The following ROBO1 variants were observed in gnomAD, a reference collection of about 807,000 sequenced individuals.
ROBO1 encodes the protein roundabout guidance receptor 1.
ROBO1 carries 149 observed loss-of-function variants against 195.9 expected under a neutral mutation model. The observed-to-expected ratio is 0.76, with a 90% confidence interval of 0.67 to 0.87. The LOEUF is 0.87. Among genes scored for constraint, ROBO1 ranks in the 40% least tolerant of loss-of-function variants. ROBO1 has a pLI of 0.00. For synonymous variants in ROBO1, 816 were observed against 733.2 expected, an observed-to-expected ratio of 1.11 and a Z score of -1.82; for missense variants, 1,933 against 2,068.3, an observed-to-expected ratio of 0.93 and a Z score of 1.27.
intron 1 of ROBO1, among the ~76,000 whole-genome samples, chr3:79,623,669 C>A (rs1945080431): frequency 6.6e-6 from 1 of 151,870 alleles, no homozygotes; most frequent in Non-Finnish European, 1.5e-5. Context: ...AAGAAATGAA[C>A]AAAGACTACA....
In ROBO1 at chr3:78,659,637, TG is replaced by T. The variant is rs368223718; in HGVS notation, c.2442+48del. 85 of 1,292,092 alleles carry T rather than the reference TG, an allele frequency of 6.6e-5. 1 individual carries two copies. In the African/African-American group the frequency reaches 1.2e-3, roughly 18 times the overall value. 80.0% of individuals were successfully genotyped at this position (1,292,092 alleles called of 1,614,324 possible). The stretch of plus-strand genomic sequence containing the variant: ...CAGCCTGCTTTTTCTTTATGAATGG[TG>T]GGGGCTGCCCATCAGGACATTAATA... On this transcript the variant is annotated intron_variant, in intron 17 of 30. Transcript: ENST00000464233.
At chr3:79,203,872 T>C (rs569329151) in intron 2 of ROBO1, among the ~76,000 whole-genome samples, 2 of 152,176 alleles carry the variant, frequency 1.3e-5, no homozygotes, top group Non-Finnish European at 2.9e-5. Flanking sequence ...TTTATTTTTT[T>C]CTTTCTATTC....
At chr3:79,584,674 CAT>C (rs1387719209) in intron 2 of ROBO1, among the ~76,000 whole-genome samples, 57 of 143,894 alleles carry the variant, frequency 4.0e-4, no homozygotes, top group African/African-American at 1.4e-3. Flanking sequence ...CACGTACACA[CAT>C]ACACACACTC....
chr3:79,655,123 A>G (rs557150799), intron 1 of ROBO1, among the ~76,000 whole-genome samples: 2 of 152,206 alleles, frequency 1.3e-5, no homozygotes, highest in South Asian at 4.1e-4. Flanking sequence ...TAGTAACAAA[A>G]TAATTACTTT....
chr3:79,483,822 G>A (rs77649865), intron 2 of ROBO1, among the ~76,000 whole-genome samples: 1 of 152,016 alleles, frequency 6.6e-6, no homozygotes, highest in South Asian at 2.1e-4. Flanking sequence ...GACGGGGTTG[G>A]GGGTGGGGGA....
At chr3:79,643,731 T>C (rs1249214767) in intron 1 of ROBO1, among the ~76,000 whole-genome samples, 1 of 152,056 alleles carries the variant, frequency 6.6e-6, no homozygotes, top group Non-Finnish European at 1.5e-5. Context: ...TATAATAGAT[T>C]GACTAAACAT....
chr3:79,267,561 G>A (rs1386048733), intron 2 of ROBO1, among the ~76,000 whole-genome samples: 1 of 135,554 alleles, frequency 7.4e-6, no homozygotes, highest in Non-Finnish European at 1.6e-5. Context: ...TTTTTTTTTT[G>A]TCACTTCACT....
chr3:79,068,014 A>T (rs974780999), intron 3 of ROBO1, among the ~76,000 whole-genome samples: 1 of 151,902 alleles, frequency 6.6e-6, no homozygotes, highest in African/African-American at 2.4e-5. Flanking sequence ...TGAGTGATCC[A>T]AGAGGAAAAG....
chr3:78,890,956 T>C (rs1302038221), intron 4 of ROBO1, among the ~76,000 whole-genome samples: 2 of 152,146 alleles, frequency 1.3e-5, no homozygotes, highest in African/African-American at 4.8e-5. Flanking sequence ...AGTCTTGTTA[T>C]GTTGCTCAGG....
chr3:79,308,767 C>A (rs2033342632), intron 2 of ROBO1, among the ~76,000 whole-genome samples: 1 of 152,052 alleles, frequency 6.6e-6, no homozygotes, highest in South Asian at 2.1e-4. Flanking sequence ...ATCTTCTCTG[C>A]AATATTAAAC....
intron 1 of ROBO1, among the ~76,000 whole-genome samples, chr3:79,689,760 T>C (rs920988327): frequency 6.6e-6 from 1 of 152,050 alleles, no homozygotes; most frequent in Non-Finnish European, 1.5e-5. Context: ...TATCCTTACT[T>C]TTATGGAGTT....
At chr3:79,239,934 A>T (rs2082481395) in intron 2 of ROBO1, among the ~76,000 whole-genome samples, 1 of 152,172 alleles carries the variant, frequency 6.6e-6, no homozygotes, top group Non-Finnish European at 1.5e-5. Context: ...GGTGTGCAAC[A>T]TGATGTTTTG....
At chr3:79,571,089 T>C (rs1356943822) in intron 2 of ROBO1, among the ~76,000 whole-genome samples, 1 of 152,124 alleles carries the variant, frequency 6.6e-6, no homozygotes, top group Non-Finnish European at 1.5e-5. Context: ...ATAATGGTTT[T>C]GACAATAATT....
chr3:78,722,632 A>G (rs778341006), intron 5 of ROBO1, among the ~76,000 whole-genome samples: 1 of 152,166 alleles, frequency 6.6e-6, no homozygotes, highest in Non-Finnish European at 1.5e-5. Flanking sequence ...GGTATTCTTT[A>G]CCAAGATTAC....
intron 2 of ROBO1, among the ~76,000 whole-genome samples, chr3:79,298,885 AG>A (rs1246649405): frequency 6.6e-6 from 1 of 152,148 alleles, no homozygotes; most frequent in Non-Finnish European, 1.5e-5. Context: ...AGAAAATTAC[AG>A]GTTAAATCCT....
chr3:79,447,239 ACAT>A (rs1356804204), intron 2 of ROBO1, among the ~76,000 whole-genome samples: 1 of 152,174 alleles, frequency 6.6e-6, no homozygotes, highest in African/African-American at 2.4e-5. Flanking sequence ...CAATAACATG[ACAT>A]CATGTGAGGC....
intron 1 of ROBO1, among the ~76,000 whole-genome samples, chr3:79,613,581 C>T (rs992002747): frequency 1.3e-5 from 2 of 151,936 alleles, no homozygotes; most frequent in African/African-American, 2.4e-5. Context: ...GTATATATCT[C>T]AATCAAAAGG....
At chr3:79,038,570 T>C (rs1387515609) in intron 3 of ROBO1, among the ~76,000 whole-genome samples, 1 of 152,176 alleles carries the variant, frequency 6.6e-6, no homozygotes, top group Non-Finnish European at 1.5e-5. Flanking sequence ...TCTACCTGTA[T>C]ACTTGTTGAT....
intron 2 of ROBO1, among the ~76,000 whole-genome samples, chr3:79,126,442 A>T (rs773876415): frequency 6.6e-6 from 1 of 152,196 alleles, no homozygotes; most frequent in East Asian, 1.9e-4. Flanking sequence ...GTATGTGTGT[A>T]TATAGAAGCT....
Sources: gnomAD v4.1 joint callset for allele counts (sites outside exome capture counted in the v4.1 genomes callset) on GRCh38, gnomAD v4.1.1 for gene constraint, MANE v1.5 for transcripts, NCBI Gene and HGNC (gene_info 2026-07-23, HGNC 2026-07-21) for gene names.